Variants in RNF135 observed in about 807,000 individuals in gnomAD.
The protein encoded by RNF135 is E3 ubiquitin-protein ligase RNF135.
A neutral mutation model predicts 41.9 loss-of-function variants in RNF135; 46 were observed. The ratio of observed to expected loss-of-function variants is 1.10; its 90% CI spans 0.87 to 1.40. The LOEUF is 1.40. Among genes scored for constraint, RNF135 ranks in the 40% most tolerant of loss-of-function variants. The pLI, the probability that RNF135 is intolerant of heterozygous loss-of-function variation, is 0.00. For synonymous variants in RNF135, 238 were observed against 223.8 expected (o/e 1.06, Z -0.57); for missense variants, 539 against 549.8 (o/e 0.98, Z 0.20).
In RNF135 at chr17:30,999,232, T is replaced by C; in HGVS notation, c.*41T>C. 6.3e-7 allele frequency: 1 copy of C among 1,595,574 alleles called. No homozygotes were observed. The highest frequency in any genetic ancestry group is 8.5e-7 in the Non-Finnish European group (1 of 1,170,782). On this transcript the variant is annotated 3_prime_UTR_variant, in exon 5 of 5. Transcript: ENST00000328381. ...TACAACACAGTGGTTTCCTGGTCTC[T>C]CTCCCTGTCATCAATCAGGGTAGTA... is the stretch of plus-strand genomic sequence containing the variant.
At chr17:30,978,650 C>T (rs978426398) in intron 1 of RNF135, 2 of 137,826 alleles carry the variant, frequency 1.5e-5, no homozygotes, top group Admixed American at 7.3e-5. Flanking sequence ...GGGTGTTTCT[C>T]GCAGAGGGGG....
chr17:30,997,378 C>T lies in RNF135; in HGVS notation c.769+47C>T, dbSNP rs375581919. 2.8e-5 allele frequency: 43 copies of T among 1,514,994 alleles called. No homozygotes were observed. The Admixed American group carries it at 3.7e-4, about 13-fold the overall frequency. 93.8% of individuals were successfully genotyped at this position (1,514,994 alleles called of 1,614,324 possible). A position where few individuals can be genotyped will look rare whatever the true frequency, so the allele number is the denominator to read the frequency against. On this transcript the variant is annotated intron_variant, in intron 4 of 4. Transcript: ENST00000328381. ...AACATGGGTTTGGCTTGCCGCAGAG[C>T]GGGCTTCGAGAATATCCTACATCCA...
the RNF135 span, among the ~76,000 whole-genome samples, chr17:30,960,386 G>A: frequency 4.0e-5 from 6 of 149,638 alleles, no homozygotes; most frequent in East Asian, 2.0e-4. Context: ...GTGAGACTCC[G>A]TCTCAAAAAA....
At chr17:30,970,751 A>T (rs1905823037), upstream of RNF135, 2 of 413,970 alleles carry the variant, frequency 4.8e-6, no homozygotes, top group Admixed American at 8.6e-5. Flanking sequence ...AAGACATCCA[A>T]CGGTGCTGCA....
Position 30,983,873 on chromosome 17 carries a change from T to C in RNF135, c.373-744T>C, listed in dbSNP as rs528751047. 2.6e-5 allele frequency among the ~76,000 whole-genome samples: 4 copies of C among 152,288 alleles called. No individual in the cohort carries two copies. In the East Asian group the frequency reaches 7.7e-4, roughly 29 times the overall value. ...ATTAGTGATCTTGAGTGTCTATTCA[T>C]GTGCTTATTGGTGATTTGTATATCT... On this transcript the variant is annotated intron_variant, in intron 1 of 4. Coordinates refer to ENST00000328381, the MANE Select transcript of RNF135 (RefSeq NM_032322.4).
intron 1 of RNF135, 113 bp downstream of exon 1, chr17:30,971,558 T>C: frequency 7.3e-7 from 1 of 1,374,004 alleles, no homozygotes; most frequent in African/African-American, 1.5e-5. Flanking sequence ...ACGTTCCTTT[T>C]CTCAGTCTAA....
At chr17:30,987,432 A>C (rs569728796) in intron 2 of RNF135, among the ~76,000 whole-genome samples, 2 of 152,194 alleles carry the variant, frequency 1.3e-5, no homozygotes, top group East Asian at 3.9e-4. Context: ...GGGTTTCACC[A>C]TGTTGGCCAG....
In RNF135 at chr17:30,971,246, C is replaced by T; in HGVS notation, c.173C>T (p.Ala58Val). Residue 58 changes from alanine to valine, a missense_variant, in exon 1 of 5, where the codon GCC (alanine) becomes GTC (valine). Ala to Val is a moderately conservative substitution (Grantham distance 64). Around this residue, in one of 2 missense-constraint regions of RNF135, gnomAD observed 277 missense variants for 212.8 expected, o/e 1.30. Transcript: ENST00000328381. ...GGCGCCCGCGACGCCCGCCGCTGGG[C>T]CTGCCCCACTTGCCGCCAGGGCGCC... ...LWGARDARRW[A>V]CPTCRQGAAQ... The T allele has an allele frequency of 3.9e-6, 6 of 1,521,168 alleles. No homozygotes were observed. Among genetic ancestry groups the T allele is most frequent in the Non-Finnish European group, 5.3e-6 (6 of 1,139,900 alleles). The allele number at this position is 1,521,168 out of a possible 1,614,324, so 94.2% of individuals were successfully genotyped here.
chr17:30,996,078 G>T lies in RNF135; in HGVS notation c.680-1164G>T, dbSNP rs574099656. On this transcript the variant is annotated intron_variant, in intron 3 of 4. Coordinates refer to ENST00000328381, the MANE Select transcript of RNF135 (RefSeq NM_032322.4). The stretch of plus-strand genomic sequence containing the variant: ...AGGCGTGAGCCACCACGCCCAGGCA[G>T]AATTCATTACTTTTTTTTTTTTTTT... 5.3e-4 allele frequency among the ~76,000 whole-genome samples: 76 copies of T among 144,244 alleles called. No homozygotes were observed. The East Asian group carries it at 0.015, about 29-fold the overall frequency. The allele number at this position is 144,244 out of a possible 152,430, so 94.6% of individuals were successfully genotyped here.
chr17:30,977,046 G>C (rs1906522463), intron 1 of RNF135, among the ~76,000 whole-genome samples: 1 of 152,014 alleles, frequency 6.6e-6, no homozygotes, highest in South Asian at 2.1e-4. Context: ...TTTAAATGAA[G>C]ATGATTTTCT....
chr17:30,971,432 CG>C lies in RNF135; in HGVS notation c.361del (p.Glu121AsnfsTer7). 2 of 1,514,426 alleles carry C rather than the reference CG, an allele frequency of 1.3e-6. No individual in the cohort carries two copies. The highest frequency in any genetic ancestry group is 1.8e-6 in the Non-Finnish European group (2 of 1,138,794). The allele number at this position is 1,514,426 out of a possible 1,614,324, so 93.8% of individuals were successfully genotyped here. ...SSAAARPRRRPELQRVAVEKS... is the reference protein window; with the variant it reads ...SSAAARPRRRXELQRVAVEKS... ...GCGGCCGCGAGGCCCCGGCGCCGCC[CG>C]GAACTGCAGCGGGTAGGGAGGCCGG... On this transcript the variant is annotated frameshift_variant, in exon 1 of 5. Transcript: ENST00000328381. LOFTEE classifies it high-confidence loss of function.
the RNF135 span, among the ~76,000 whole-genome samples, chr17:30,965,764 G>C: frequency 1.3e-5 from 2 of 150,200 alleles, no homozygotes; most frequent in Non-Finnish European, 3.0e-5. Flanking sequence ...CAGTTTGGTG[G>C]GCAGGGGACT....
chr17:30,966,687 A>G (rs1282889456), upstream of RNF135, among the ~76,000 whole-genome samples: 1 of 136,150 alleles, frequency 7.3e-6, no homozygotes, highest in Non-Finnish European at 1.6e-5. Flanking sequence ...TTGTATTTTT[A>G]GTAGAGACGC....
chr17:30,976,284 A>T (rs889395921), intron 1 of RNF135, among the ~76,000 whole-genome samples: 6 of 152,228 alleles, frequency 3.9e-5, no homozygotes, highest in South Asian at 2.1e-4. Context: ...GATTACAGGC[A>T]TGAACCACCA....
intron 1 of RNF135, among the ~76,000 whole-genome samples, chr17:30,981,970 T>A (rs1907183147): frequency 1.3e-5 from 2 of 152,244 alleles, no homozygotes; most frequent in Non-Finnish European, 2.9e-5. Flanking sequence ...CCATGACCAC[T>A]AGAACTGCAC....
chr17:30,970,865 G>T, upstream of RNF135: 2 of 695,834 alleles, frequency 2.9e-6, no homozygotes, highest in South Asian at 2.0e-5. Context: ...CGCCACTGAA[G>T]GTCAGCTCTG....
intron 4 of RNF135, among the ~76,000 whole-genome samples, chr17:30,998,140 G>A (rs1598105849): frequency 6.6e-6 from 1 of 152,164 alleles, no homozygotes; most frequent in Admixed American, 6.5e-5. Context: ...TGACCTCCTG[G>A]CCTCAAGTGT....
intron 1 of RNF135, among the ~76,000 whole-genome samples, chr17:30,983,341 ATATATATATATATTTTTTTT>A (rs1309056530): frequency 6.3e-5 from 2 of 31,788 alleles, no homozygotes; most frequent in East Asian, 2.2e-3. Flanking sequence ...ATATATATAT[ATATATATATATATTTTTTTT>A]TTTTTTTTTT....
At chr17:30,970,388 G>C (rs1321405454), upstream of RNF135, 1 of 152,200 alleles carries the variant, frequency 6.6e-6, no homozygotes, top group Non-Finnish European at 1.5e-5. Context: ...AAGGCGGTAA[G>C]GACACAGCGC....
Sources: gnomAD v4.1 joint callset for allele counts (sites outside exome capture counted in the v4.1 genomes callset) on GRCh38, gnomAD v4.1.1 for gene constraint, gnomAD v4.1.1 regional missense constraint, MANE v1.5 for transcripts, NCBI Gene and HGNC (gene_info 2026-07-23, HGNC 2026-07-21) for gene names.